ANXA8: variants seen among roughly 807,000 people sequenced by gnomAD.
ANXA8 encodes annexin A8, also known as VAC-beta.
ANXA8 carries 9 observed loss-of-function variants against 26.8 expected under a neutral mutation model. The ratio of observed to expected loss-of-function variants is 0.34; its 90% CI spans 0.20 to 0.59. The LOEUF (loss-of-function observed/expected upper bound fraction) is 0.59. Among genes scored for constraint, ANXA8 ranks in the 20% least tolerant of loss-of-function variants. The pLI, the probability that ANXA8 is intolerant of heterozygous loss-of-function variation, is 0.84. For synonymous variants in ANXA8, 39 were observed against 94.8 expected (o/e 0.41, Z 3.42); for missense variants, 83 against 238.5 (o/e 0.35, Z 4.29).
chr10:47,521,951 T>C, the ANXA8 span, among the ~76,000 whole-genome samples: 2 of 150,612 alleles, frequency 1.3e-5, no homozygotes, highest in Non-Finnish European at 2.9e-5. Flanking sequence ...CAGCTAATTT[T>C]TGTATTTTCT....
chr10:47,607,767 A>G, the ANXA8 span, among the ~76,000 whole-genome samples: 1 of 109,158 alleles, frequency 9.2e-6, no homozygotes, highest in Non-Finnish European at 1.8e-5. Flanking sequence ...AAAATTCATT[A>G]TAAACAAAGC....
At chr10:47,617,841 C>T in the ANXA8 span, among the ~76,000 whole-genome samples, 1 of 142,314 alleles carries the variant, frequency 7.0e-6, no homozygotes, top group Non-Finnish European at 1.5e-5. Context: ...CTTTTATCGG[C>T]AATTGGACAC....
the ANXA8 span, chr10:47,565,730 G>A: frequency 1.9e-6 from 1 of 528,534 alleles, no homozygotes; most frequent in South Asian, 6.7e-5. Flanking sequence ...TCAGCCCCGA[G>A]GGCGTGCAAG....
chr10:47,705,903 T>A, the ANXA8 span, among the ~76,000 whole-genome samples: 1 of 149,634 alleles, frequency 6.7e-6, no homozygotes, highest in Non-Finnish European at 1.5e-5. Context: ...AAGTAAAACG[T>A]CGCCCCGACG....
chr10:47,497,812 C>G, the ANXA8 span, among the ~76,000 whole-genome samples: 3 of 150,468 alleles, frequency 2.0e-5, no homozygotes, highest in African/African-American at 7.3e-5. Context: ...GTGGCATGTG[C>G]CTGTAAGTTC....
chr10:47,706,301 C>G, the ANXA8 span: 1 of 597,732 alleles, frequency 1.7e-6, no homozygotes, highest in Non-Finnish European at 2.9e-6. Flanking sequence ...AATTTGTGGA[C>G]TCCTACGATC....
At chr10:47,943,531 G>C in the ANXA8 span, among the ~76,000 whole-genome samples, 1 of 147,194 alleles carries the variant, frequency 6.8e-6, no homozygotes, top group African/African-American at 2.6e-5. Context: ...CGGGGAGTGG[G>C]GGAAGGAGGG....
the ANXA8 span, among the ~76,000 whole-genome samples, chr10:47,535,557 T>C: frequency 3.4e-5 from 5 of 146,894 alleles, 1 homozygote; most frequent in African/African-American, 5.4e-5. Context: ...CAGTATGAAG[T>C]AAAATAGCAA....
the ANXA8 span, among the ~76,000 whole-genome samples, chr10:47,695,864 T>C: frequency 6.6e-6 from 1 of 151,884 alleles, no homozygotes; most frequent in Non-Finnish European, 1.5e-5. Context: ...CAGCTCTCTC[T>C]TTCCAGTTGG....
the ANXA8 span, among the ~76,000 whole-genome samples, chr10:47,687,135 TAA>T: frequency 2.0e-5 from 3 of 149,692 alleles, no homozygotes; most frequent in South Asian, 6.3e-4. Flanking sequence ...TAAAATAAAA[TAA>T]AATAAAGATT....
chr10:47,898,842 T>TTTTTTA, the ANXA8 span, among the ~76,000 whole-genome samples: 9 of 138,850 alleles, frequency 6.5e-5, no homozygotes, highest in African/African-American at 2.9e-5. Context: ...TTTTTTTTTT[T>TTTTTTA]AGATGTGGTC....
the ANXA8 span, among the ~76,000 whole-genome samples, chr10:47,495,827 TG>T: frequency 1.3e-5 from 2 of 150,820 alleles, no homozygotes; most frequent in African/African-American, 4.9e-5. Context: ...GAACAGGGCA[TG>T]GGGGGCAACC....
At chr10:47,663,454 T>A in the ANXA8 span, among the ~76,000 whole-genome samples, 1 of 139,240 alleles carries the variant, frequency 7.2e-6, no homozygotes, top group South Asian at 2.1e-4. Context: ...GACATCATCA[T>A]GGCTCACGGC....
At chr10:47,956,988 T>C in the ANXA8 span, among the ~76,000 whole-genome samples, 7 of 150,466 alleles carry the variant, frequency 4.7e-5, no homozygotes, top group Non-Finnish European at 1.0e-4. Context: ...CTTTCCAAAG[T>C]ATCCTTCCCT....
the ANXA8 span, among the ~76,000 whole-genome samples, chr10:47,967,929 G>A: frequency 6.4e-5 from 9 of 141,262 alleles, no homozygotes; most frequent in Middle Eastern, 3.6e-3. Flanking sequence ...TTTATTCAGC[G>A]TCATGATCAG....
chr10:47,967,254 G>T, the ANXA8 span, among the ~76,000 whole-genome samples: 1 of 150,794 alleles, frequency 6.6e-6, no homozygotes, highest in African/African-American at 2.4e-5. Context: ...AGTACTTCTG[G>T]TGGGCGCCTC....
At chr10:47,968,347 C>T in the ANXA8 span, among the ~76,000 whole-genome samples, 1 of 150,054 alleles carries the variant, frequency 6.7e-6, no homozygotes, top group East Asian at 1.9e-4. Context: ...GGGGCCAGAG[C>T]TTCTGCCTCC....
the ANXA8 span, among the ~76,000 whole-genome samples, chr10:47,546,570 T>G: frequency 7.6e-6 from 1 of 131,966 alleles, no homozygotes; most frequent in African/African-American, 2.8e-5. Context: ...ACCCGGCTAG[T>G]TTTTTTTGTA....
the ANXA8 span, among the ~76,000 whole-genome samples, chr10:47,612,380 G>A: frequency 5.4e-5 from 3 of 55,314 alleles, 1 homozygote; most frequent in East Asian, 8.0e-4. Context: ...ATGAATTTGG[G>A]AAAAATGTTT....
Sources: allele counts gnomAD v4.1 joint callset (sites outside exome capture counted in the v4.1 genomes callset), GRCh38; gene constraint gnomAD v4.1.1; transcripts MANE v1.5; gene names NCBI Gene and HGNC (gene_info 2026-07-23, HGNC 2026-07-21).